Variants in ANKEF1 observed in about 807,000 individuals in gnomAD.
The protein encoded by ANKEF1 is ankyrin repeat and EF-hand domain containing 1.
ANKEF1 carries 43 observed loss-of-function variants against 65.1 expected under a neutral mutation model. The ratio of observed to expected loss-of-function variants is 0.66; its 90% CI spans 0.52 to 0.85. The LOEUF is 0.85. Ranked by LOEUF, ANKEF1 falls within the 40% of genes least tolerant of loss-of-function variation. The pLI is 0.00. For missense variants in ANKEF1, 934 were observed against 952.9 expected (o/e 0.98, Z 0.26); for synonymous variants, 316 against 341.5 (o/e 0.93, Z 0.82).
Position 10,055,586 on chromosome 20 carries a change from G to A in ANKEF1, c.2257G>A (p.Asp753Asn), listed in dbSNP as rs1352570511. The part of the protein sequence containing the change: ...RERFTHEVDF[D>N]DFMMPFQKNI... ...GAGGTTTACACATGAGGTGGACTTC[G>A]ACGATTTTATGATGCCTTTTCAGAA... Residue 753 changes from aspartate (D) to asparagine (N), a missense_variant, in exon 11 of 11, where the codon GAC becomes AAC. By Grantham distance (23) the Asp-to-Asn change is conservative. Transcript: ENST00000378392. The A allele has an allele frequency of 4.3e-6, 7 of 1,613,682 alleles. No individual in the cohort carries two copies. Among genetic ancestry groups the A allele is most frequent in the South Asian group, 1.1e-5 (1 of 91,072 alleles).
In ANKEF1 at chr20:10,054,707, A is replaced by G. The variant is rs920636680; in HGVS notation, c.2172+108A>G. On this transcript the variant is annotated intron_variant, in intron 10 of 10. Coordinates refer to ENST00000378392, the MANE Select transcript of ANKEF1 (RefSeq NM_022096.6). ...AACAAATCTGCACAGTTTGTCTTTC[A>G]TAGTTACTACTTGTGAATGTTCTTT... is the stretch of plus-strand genomic sequence containing the variant. 6.0e-6 allele frequency: 7 copies of G among 1,170,682 alleles called. No homozygotes were observed. The Admixed American group carries it at 1.4e-4, about 23-fold the overall frequency. The allele number at this position is 1,170,682 out of a possible 1,614,324, so 72.5% of individuals were successfully genotyped here.
intron 5 of ANKEF1, among the ~76,000 whole-genome samples, chr20:10,044,821 G>A (rs1428586207): frequency 1.3e-5 from 2 of 151,716 alleles, no homozygotes; most frequent in East Asian, 1.9e-4. Flanking sequence ...CTGCCACCTG[G>A]GACTACTGTA....
At position 10,044,520 on chromosome 20, in the gene ANKEF1, G is replaced by A; in HGVS notation, c.673G>A (p.Ala225Thr). 1 of 1,614,066 alleles carries A rather than the reference G, an allele frequency of 6.2e-7. No homozygotes were observed. The highest frequency in any genetic ancestry group is 8.5e-7 in the Non-Finnish European group (1 of 1,179,954). ...CGACAGGCATCACGCTGCTCATTTT[G>A]CTGCTAAAGGAGGCTTTTTCGATGT... ...DNDRHHAAHF[A>T]AKGGFFDILK... Residue 225 changes from alanine (A) to threonine (T), a missense_variant, in exon 5 of 11, where the codon GCT (alanine) becomes ACT (threonine). Physicochemically the swap from Ala to Thr is moderately conservative, Grantham distance 58 (BLOSUM62 0). Transcript: ENST00000378392.
At chr20:10,041,586 A>G (rs1984196493) in intron 3 of ANKEF1, among the ~76,000 whole-genome samples, 1 of 152,144 alleles carries the variant, frequency 6.6e-6, no homozygotes, top group South Asian at 2.1e-4. Context: ...TTTACATAAT[A>G]TCTCAGTCTT....
Position 10,057,444 on chromosome 20 carries a change from A to G in ANKEF1, c.*1784A>G, listed in dbSNP as rs758378492. 9.8e-5 allele frequency: 15 copies of G among 152,306 alleles called. No homozygotes were observed. Among genetic ancestry groups the G allele is most frequent in the Middle Eastern group, 3.4e-3 (1 of 294 alleles). The allele number at this position is 152,306 out of a possible 1,614,324, so 9.4% of individuals were successfully genotyped here. ...ATTTCATATTTATGGAAAAGTTGCAATAATTTGACAAAGAATTCTTATATG... is the reference window on the plus strand; with the variant it reads ...ATTTCATATTTATGGAAAAGTTGCAGTAATTTGACAAAGAATTCTTATATG... On this transcript the variant is annotated 3_prime_UTR_variant, in exon 11 of 11. Coordinates refer to ENST00000378392, the MANE Select transcript of ANKEF1 (RefSeq NM_022096.6).
Position 10,053,166 on chromosome 20 carries a change from T to C in ANKEF1, c.1925T>C (p.Leu642Pro). ...KAYADYRIID[L>P]IKEKLDNLPK... The stretch of plus-strand genomic sequence containing the variant: ...TATGCTGATTATAGAATAATTGATC[T>C]GATTAAAGAAAAGCTAGATAACTTG... Residue 642 changes from leucine (L) to proline (P), a missense_variant, in exon 9 of 11, where the codon CTG becomes CCG. Leu to Pro is a moderately conservative substitution (Grantham distance 98). Coordinates refer to ENST00000378392, the MANE Select transcript of ANKEF1 (RefSeq NM_022096.6). 1 of 1,613,368 alleles carries C rather than the reference T, an allele frequency of 6.2e-7. No homozygotes were observed. Among genetic ancestry groups the C allele is most frequent in the South Asian group, 1.1e-5 (1 of 90,996 alleles).
Position 10,044,509 on chromosome 20 carries a change from C to T in ANKEF1, c.662C>T (p.Ala221Val). ...GCATTTGACAACGACAGGCATCACG[C>T]TGCTCATTTTGCTGCTAAAGGAGGC... is the stretch of plus-strand genomic sequence containing the variant. ...VNAFDNDRHHAAHFAAKGGFF... is the reference protein window; with the variant it reads ...VNAFDNDRHHVAHFAAKGGFF... The change falls in exon 5 of 11, where the codon GCT (alanine) becomes GTT (valine). Residue 221 changes from alanine (A) to valine (V), a missense_variant. Transcript: ENST00000378392. The T allele has an allele frequency of 6.2e-7, 1 of 1,614,090 alleles. No homozygotes were observed. Among genetic ancestry groups the T allele is most frequent in the Non-Finnish European group, 8.5e-7 (1 of 1,179,978 alleles).
At chr20:10,045,310 T>C (rs1984449074) in intron 5 of ANKEF1, among the ~76,000 whole-genome samples, 1 of 152,188 alleles carries the variant, frequency 6.6e-6, no homozygotes, top group Non-Finnish European at 1.5e-5. Flanking sequence ...ATAGAACTTT[T>C]GGTGATGATG....
intron 6 of ANKEF1, among the ~76,000 whole-genome samples, chr20:10,048,650 G>A (rs570973476): frequency 1.3e-5 from 2 of 152,114 alleles, no homozygotes; most frequent in East Asian, 1.9e-4. Context: ...AGCCTTTTTG[G>A]TAGCACTAAA....
chr20:10,040,391 A>G (rs1984113338), intron 3 of ANKEF1, among the ~76,000 whole-genome samples: 1 of 152,224 alleles, frequency 6.6e-6, no homozygotes, highest in Non-Finnish European at 1.5e-5. Context: ...ATAAGCAAAC[A>G]TTTAAATGGC....
At chr20:10,050,294 A>G in intron 7 of ANKEF1, 82 bp downstream of exon 7, 2 of 1,139,358 alleles carry the variant, frequency 1.8e-6, no homozygotes, top group Non-Finnish European at 2.5e-6. Flanking sequence ...GAATTTTAGT[A>G]ATATAGAAAA....
rs150226472 is a variant in ANKEF1, at chr20:10,049,604, G to A, written c.1035G>A (p.Ala345=). 3 of 1,613,940 alleles carry A rather than the reference G, an allele frequency of 1.9e-6. No individual in the cohort carries two copies. The highest frequency in any genetic ancestry group is 2.5e-6 in the Non-Finnish European group (3 of 1,180,018). ...AGGCTTTCCTCCGGGAAGCCTTTGC[G>A]GTTTTAGACAGGGGTGATGGAAGCA... The part of the protein sequence containing the change: ...EREAFLREAF[A]VLDRGDGSIS... Residue 345 remains alanine, a synonymous_variant, in exon 7 of 11, where the codon GCG becomes GCA. Transcript: ENST00000378392.
Position 10,050,055 on chromosome 20 carries a change from A to G in ANKEF1, c.1486A>G (p.Ile496Val), listed in dbSNP as rs1238844633. Residue 496 changes from isoleucine (I) to valine (V), a missense_variant, in exon 7 of 11, where the codon ATT becomes GTT. Transcript: ENST00000378392. ...TGATTCAGAGAAGGTATTTTCAAAC[A>G]TTAATATTATCACCAAAGCAGGGGA... ...IDDSEKVFSN[I>V]NIITKAGDLA... 6.2e-7 allele frequency: 1 copy of G among 1,614,182 alleles called. No homozygotes were observed. The highest frequency in any genetic ancestry group is 1.7e-5 in the Admixed American group (1 of 60,018).
At position 10,051,687 on chromosome 20, in the gene ANKEF1, C is replaced by T; in HGVS notation, c.1668C>T (p.Asn556=). 3.1e-6 allele frequency: 5 copies of T among 1,613,382 alleles called. No homozygotes were observed. Among genetic ancestry groups the T allele is most frequent in the Non-Finnish European group, 4.2e-6 (5 of 1,179,516 alleles). ...GAGCTAACGTTAATGCAACAGATAA[C>T]TTTCTGTGGACTCCACTTCATTTTG... ...EKGANVNATD[N]FLWTPLHFAC... The change falls in exon 8 of 11, where the codon AAC becomes AAT. Residue 556 remains asparagine, a synonymous_variant. Transcript: ENST00000378392.
Position 10,051,754 on chromosome 20 carries a change from G to C in ANKEF1, c.1735G>C (p.Glu579Gln). 1.2e-6 allele frequency: 2 copies of C among 1,613,792 alleles called. No individual in the cohort carries two copies. The highest frequency in any genetic ancestry group is 8.5e-7 in the Non-Finnish European group (1 of 1,179,864). ...ACAAGACATTGTTGAGCTTCTTGTT[G>C]AATCTGGAGCTTTAATAGATGCAGC... is the stretch of plus-strand genomic sequence containing the variant. ...GQQDIVELLV[E>Q]SGALIDAASI... The change falls in exon 8 of 11, where the codon GAA becomes CAA. Residue 579 changes from glutamate (E) to glutamine (Q), a missense_variant. Transcript: ENST00000378392.
intron 7 of ANKEF1, 80 bp downstream of exon 7, chr20:10,050,292 G>C: frequency 8.7e-7 from 1 of 1,155,054 alleles, no homozygotes; most frequent in Non-Finnish European, 1.2e-6. Flanking sequence ...CCGAATTTTA[G>C]TAATATAGAA....
intron 6 of ANKEF1, among the ~76,000 whole-genome samples, chr20:10,047,220 A>G (rs514832): frequency 0.25 from 37,586 of 152,016 alleles, 4,798 homozygotes; most frequent in Middle Eastern, 0.28. Context: ...TGGGTCATGC[A>G]AAAAGGCCTA....
intron 5 of ANKEF1, among the ~76,000 whole-genome samples, chr20:10,044,981 A>C (rs886803273): frequency 3.3e-5 from 5 of 152,242 alleles, no homozygotes; most frequent in African/African-American, 1.2e-4. Flanking sequence ...CTGATTATCT[A>C]AACATACAGC....
intron 6 of ANKEF1, among the ~76,000 whole-genome samples, chr20:10,048,499 G>A (rs960815333): frequency 6.6e-6 from 1 of 151,954 alleles, no homozygotes; most frequent in Non-Finnish European, 1.5e-5. Flanking sequence ...AATAGTAGGT[G>A]TTATTCATTC....
Sources: gnomAD v4.1 joint callset for allele counts (sites outside exome capture counted in the v4.1 genomes callset) on GRCh38, gnomAD v4.1.1 for gene constraint, MANE v1.5 for transcripts, NCBI Gene and HGNC (gene_info 2026-07-23, HGNC 2026-07-21) for gene names.